The following SLC24A2 variants were observed in gnomAD, a reference collection of about 807,000 sequenced individuals.
SLC24A2 encodes solute carrier family 24 member 2.
SLC24A2 carries 36 observed loss-of-function variants against 62.0 expected under a neutral mutation model. The observed-to-expected ratio is 0.58, with a 90% CI of 0.44 to 0.77. The LOEUF (loss-of-function observed/expected upper bound fraction) is 0.77. Ranked by LOEUF, SLC24A2 falls within the 30% of genes least tolerant of loss-of-function variation. The pLI, the probability that SLC24A2 is intolerant of heterozygous loss-of-function variation, is 0.00. For missense variants in SLC24A2, 846 were observed against 817.9 expected (o/e 1.03, Z -0.42); for synonymous variants, 358 against 294.0 (o/e 1.22, Z -2.23).
chr9:19,571,813 A>G (rs147751027), intron 7 of SLC24A2, among the ~76,000 whole-genome samples: 1 of 152,332 alleles, frequency 6.6e-6, no homozygotes, highest in East Asian at 1.9e-4. Context: ...AACAAGCACC[A>G]AAGGTGGTTC....
the SLC24A2 span, among the ~76,000 whole-genome samples, chr9:20,244,428 A>G: frequency 2.6e-5 from 4 of 152,178 alleles, no homozygotes; most frequent in Admixed American, 2.6e-4. Context: ...CCTCACCCCC[A>G]GGCCAGGCAG....
intron 7 of SLC24A2, among the ~76,000 whole-genome samples, chr9:19,564,357 A>G (rs949753400): frequency 6.6e-6 from 1 of 152,232 alleles, no homozygotes; most frequent in African/African-American, 2.4e-5. Flanking sequence ...CAGATCTTAA[A>G]AACTCCACTG....
At chr9:19,950,855 C>A in the SLC24A2 span, among the ~76,000 whole-genome samples, 1 of 151,980 alleles carries the variant, frequency 6.6e-6, no homozygotes, top group Non-Finnish European at 1.5e-5. Context: ...TAGATTGAAA[C>A]ATCCCGGAGC....
At chr9:19,667,355 T>A (rs762352528) in intron 2 of SLC24A2, among the ~76,000 whole-genome samples, 2 of 152,190 alleles carry the variant, frequency 1.3e-5, no homozygotes, top group Non-Finnish European at 2.9e-5. Flanking sequence ...ACATTTCCTA[T>A]CTTGGTTAAT....
At chr9:19,598,266 T>C (rs568012384) in intron 4 of SLC24A2, among the ~76,000 whole-genome samples, 45 of 152,330 alleles carry the variant, frequency 3.0e-4, no homozygotes, top group African/African-American at 1.1e-3. Flanking sequence ...ACTCAAGAGA[T>C]AGTTCTGTAG....
the SLC24A2 span, among the ~76,000 whole-genome samples, chr9:19,920,764 C>T: frequency 6.6e-6 from 1 of 152,188 alleles, no homozygotes; most frequent in Non-Finnish European, 1.5e-5. Flanking sequence ...GACGACACAA[C>T]AGTGAGTTCT....
At chr9:19,720,697 C>CA (rs1458034263) in intron 2 of SLC24A2, among the ~76,000 whole-genome samples, 3 of 84,310 alleles carry the variant, frequency 3.6e-5, no homozygotes, top group Admixed American at 1.3e-4. Context: ...CAACCCCCCC[C>CA]CCCAAAAAAA....
intron 7 of SLC24A2, among the ~76,000 whole-genome samples, chr9:19,567,790 T>C (rs1187782600): frequency 6.6e-6 from 1 of 151,960 alleles, no homozygotes; most frequent in Non-Finnish European, 1.5e-5. Flanking sequence ...CAGCAGTTAT[T>C]GGGAAAAGCT....
the SLC24A2 span, among the ~76,000 whole-genome samples, chr9:20,095,295 G>C: frequency 6.6e-6 from 1 of 152,288 alleles, no homozygotes; most frequent in South Asian, 2.1e-4. Flanking sequence ...GTAAACAAAA[G>C]TTATTTGGAA....
the SLC24A2 span, among the ~76,000 whole-genome samples, chr9:19,825,820 T>C: frequency 6.6e-6 from 1 of 152,220 alleles, no homozygotes; most frequent in African/African-American, 2.4e-5. Flanking sequence ...AAATAATATT[T>C]TTAAATACCA....
chr9:20,197,588 T>C, the SLC24A2 span, among the ~76,000 whole-genome samples: 1 of 151,894 alleles, frequency 6.6e-6, no homozygotes, highest in Admixed American at 6.6e-5. Context: ...TGCACCACCA[T>C]GCCCAGCTAA....
At chr9:19,950,522 T>G in the SLC24A2 span, among the ~76,000 whole-genome samples, 4 of 152,172 alleles carry the variant, frequency 2.6e-5, no homozygotes, top group Admixed American at 6.6e-5. Context: ...AGGGTAGAAA[T>G]TGTGTCAAGT....
At chr9:20,097,386 T>C in the SLC24A2 span, among the ~76,000 whole-genome samples, 1 of 152,220 alleles carries the variant, frequency 6.6e-6, no homozygotes, top group East Asian at 1.9e-4. Context: ...CATTGAGTTA[T>C]CTAACAAATT....
intron 7 of SLC24A2, among the ~76,000 whole-genome samples, chr9:19,553,986 C>A (rs773497360): frequency 6.6e-6 from 1 of 152,114 alleles, no homozygotes; most frequent in Non-Finnish European, 1.5e-5. Flanking sequence ...GTTGAAGCTG[C>A]AACCCCCACC....
chr9:19,670,826 T>G (rs1228411269), intron 2 of SLC24A2, among the ~76,000 whole-genome samples: 1 of 152,188 alleles, frequency 6.6e-6, no homozygotes, highest in South Asian at 2.1e-4. Context: ...GAGGAAGGCC[T>G]GCTTTATCTG....
At chr9:19,889,246 G>C in the SLC24A2 span, among the ~76,000 whole-genome samples, 1 of 152,112 alleles carries the variant, frequency 6.6e-6, no homozygotes, top group Non-Finnish European at 1.5e-5. Context: ...AAACAAACAT[G>C]GTATAAAGCC....
the SLC24A2 span, among the ~76,000 whole-genome samples, chr9:20,191,284 T>C: frequency 3.5e-4 from 54 of 152,280 alleles, no homozygotes; most frequent in African/African-American, 1.3e-3. Flanking sequence ...GTATGTAGTT[T>C]ATATACTTAC....
intron 5 of SLC24A2, among the ~76,000 whole-genome samples, chr9:19,592,495 CACCT>C (rs34178915): frequency 0.056 from 3,965 of 70,416 alleles, 108 homozygotes; most frequent in Admixed American, 0.12. Flanking sequence ...CCTACCTACC[CACCT>C]ACCTACCTAC....
the SLC24A2 span, among the ~76,000 whole-genome samples, chr9:19,921,078 T>C: frequency 3.7e-5 from 5 of 135,694 alleles, no homozygotes; most frequent in Non-Finnish European, 7.9e-5. Flanking sequence ...ATAATTATTA[T>C]GGGGGGGGGG....
Sources: gnomAD v4.1 joint callset for allele counts (sites outside exome capture counted in the v4.1 genomes callset) on GRCh38, gnomAD v4.1.1 for gene constraint, MANE v1.5 for transcripts, NCBI Gene and HGNC (gene_info 2026-07-23, HGNC 2026-07-21) for gene names.